The following TBC1D32 variants were observed in gnomAD, a reference collection of about 807,000 sequenced individuals.
TBC1D32 encodes the protein TBC1 domain family member 32, also known as protein broad-minded.
TBC1D32 carries 151 observed loss-of-function variants against 170.3 expected under a neutral mutation model. That is an observed-to-expected ratio of 0.89 (90% CI 0.78 to 1.01). The LOEUF is 1.01. Ranked by LOEUF, TBC1D32 falls within the 50% of genes least tolerant of loss-of-function variation. TBC1D32 has a pLI of 0.00. For missense variants in TBC1D32, 1,464 were observed against 1,457.1 expected, an observed-to-expected ratio of 1.00 and a Z score of -0.08; for synonymous variants, 498 against 488.0, an observed-to-expected ratio of 1.02 and a Z score of -0.27.
intron 13 of TBC1D32, among the ~76,000 whole-genome samples, chr6:121,282,245 A>G (rs1803125308): frequency 1.3e-5 from 2 of 151,790 alleles, no homozygotes; most frequent in South Asian, 4.1e-4. Context: ...CTTTCAAAAT[A>G]TAGTATATAC....
chr6:121,230,730 TTTAA>T (rs1293424503), intron 20 of TBC1D32, among the ~76,000 whole-genome samples: 9 of 151,952 alleles, frequency 5.9e-5, no homozygotes, highest in African/African-American at 2.2e-4. Context: ...TTTTTAGTTA[TTTAA>T]TTTATTTTTA....
intron 24 of TBC1D32, among the ~76,000 whole-genome samples, chr6:121,155,502 C>T (rs1176571468): frequency 2.0e-5 from 3 of 152,022 alleles, no homozygotes; most frequent in African/African-American, 7.2e-5. Flanking sequence ...CTTTCTCTTG[C>T]CTAATTGTTC....
intron 22 of TBC1D32, among the ~76,000 whole-genome samples, chr6:121,196,518 T>C (rs886545147): frequency 3.9e-5 from 6 of 152,196 alleles, no homozygotes; most frequent in Non-Finnish European, 2.9e-5. Context: ...CTGCACACAA[T>C]GCTTCTGCTA....
intron 19 of TBC1D32, among the ~76,000 whole-genome samples, chr6:121,239,897 G>T (rs1298259900): frequency 2.6e-5 from 4 of 152,096 alleles, no homozygotes; most frequent in Non-Finnish European, 4.4e-5. Context: ...ATCAGAAAGG[G>T]TCTTCTGGTA....
At chr6:121,181,515 C>T (rs560431912) in intron 22 of TBC1D32, among the ~76,000 whole-genome samples, 219 of 152,190 alleles carry the variant, frequency 1.4e-3, no homozygotes, top group Non-Finnish European at 2.3e-3. Context: ...CCTGCAGAAC[C>T]ATAAGCCAAT....
At chr6:121,157,416 C>G (rs114723428) in intron 24 of TBC1D32, among the ~76,000 whole-genome samples, 4 of 152,214 alleles carry the variant, frequency 2.6e-5, no homozygotes, top group African/African-American at 9.6e-5. Context: ...AGATGTGTCT[C>G]TTGAAGACAG....
intron 21 of TBC1D32, among the ~76,000 whole-genome samples, chr6:121,216,899 A>G (rs1476870741): frequency 6.6e-6 from 1 of 152,192 alleles, no homozygotes; most frequent in African/African-American, 2.4e-5. Flanking sequence ...TGCTAAGGTG[A>G]GGGCTATTAT....
At chr6:121,093,456 T>C (rs1777049493) in intron 30 of TBC1D32, among the ~76,000 whole-genome samples, 1 of 152,186 alleles carries the variant, frequency 6.6e-6, no homozygotes. Context: ...ACTGTGTTAA[T>C]GAAAATCTAG....
intron 9 of TBC1D32, among the ~76,000 whole-genome samples, chr6:121,300,896 T>G (rs567583441): frequency 6.6e-6 from 1 of 152,200 alleles, no homozygotes; most frequent in East Asian, 1.9e-4. Flanking sequence ...AACAGACACT[T>G]CTCAAAAGAA....
At position 121,334,448 on chromosome 6, in the gene TBC1D32, T is replaced by C; in HGVS notation, c.-18A>G. ...TGGGCCATCCTGTTGGAATCAAACG[T>C]CCACTCTCATTACTCCAGGTCCGAG... On this transcript the variant is annotated 5_prime_UTR_variant, in exon 1 of 32. Transcript: ENST00000398212. The C allele has an allele frequency of 6.2e-7, 1 of 1,609,212 alleles. No homozygotes were observed. The highest frequency in any genetic ancestry group is 8.5e-7 in the Non-Finnish European group (1 of 1,177,480).
In TBC1D32 at chr6:121,312,873, C is replaced by T. The variant is rs138087380; in HGVS notation, c.496-2026G>A. On this transcript the variant is annotated intron_variant, in intron 3 of 31. Coordinates refer to ENST00000398212, the MANE Select transcript of TBC1D32 (RefSeq NM_152730.6). The stretch of plus-strand genomic sequence containing the variant: ...AGAAAAGCTTGTAAAAAAGATAGTG[C>T]GTTCCTCCACTTGCTTTCTGAGGAC... 2.4e-3 allele frequency among the ~76,000 whole-genome samples: 371 copies of T among 152,202 alleles called. 1 individual carries two copies. The highest frequency in any genetic ancestry group is 8.4e-3 in the African/African-American group (347 of 41,506).
intron 15 of TBC1D32, among the ~76,000 whole-genome samples, chr6:121,269,802 AATATAC>A (rs1228448702): frequency 6.6e-6 from 1 of 152,172 alleles, no homozygotes; most frequent in African/African-American, 2.4e-5. Flanking sequence ...AAATCAACAG[AATATAC>A]ATTCTTCTCA....
intron 24 of TBC1D32, 82 bp from the exon 25 acceptor site, chr6:121,131,834 TGAAAATTCCATATGG>T: frequency 9.0e-7 from 1 of 1,108,138 alleles, no homozygotes; most frequent in South Asian, 1.8e-5. Flanking sequence ...TGTAAACAGT[TGAAAATTCCATATGG>T]AATACATATG....
chr6:121,091,517 G>A (rs1226389085), intron 30 of TBC1D32, among the ~76,000 whole-genome samples: 10 of 151,966 alleles, frequency 6.6e-5, no homozygotes, highest in South Asian at 4.1e-4. Flanking sequence ...TAAACCTAAC[G>A]GAATTACATA....
Position 121,131,132 on chromosome 6 carries a change from A to G in TBC1D32, c.2899+495T>C, listed in dbSNP as rs1231838990. ...TTCAAAATAAATATGTTAATTTAAA[A>G]AATGATGATTTCAGAAAACAAATGC... On this transcript the variant is annotated intron_variant, in intron 25 of 31. Transcript: ENST00000398212. 2.0e-4 allele frequency among the ~76,000 whole-genome samples: 31 copies of G among 152,056 alleles called. 1 individual carries two copies. The highest frequency in any genetic ancestry group is 1.9e-3 in the Admixed American group (29 of 15,252).
chr6:121,300,396 G>A (rs770014666), intron 9 of TBC1D32, among the ~76,000 whole-genome samples: 1 of 152,024 alleles, frequency 6.6e-6, no homozygotes, highest in South Asian at 2.1e-4. Flanking sequence ...GCAGTGAACC[G>A]AGATTGCGCC....
chr6:121,212,452 T>G lies in TBC1D32; in HGVS notation c.2482-7289A>C, dbSNP rs60588793. On this transcript the variant is annotated intron_variant, in intron 21 of 31. Transcript: ENST00000398212. ...AAAAAAACTTCAGGTCAATATCTCT[T>G]TTTTTTTTTTTTTTTTTTTGAGATG... Among the ~76,000 whole-genome samples, 62 of 20,572 alleles carry G rather than the reference T, an allele frequency of 3.0e-3. No homozygotes were observed. The South Asian group carries it at 0.059, about 20-fold the overall frequency. The allele number at this position is 20,572 out of a possible 152,430, so 13.5% of individuals were successfully genotyped here. A position where few individuals can be genotyped will look rare whatever the true frequency, so the allele number is the denominator to read the frequency against.
chr6:121,254,780 T>A (rs969945851), intron 17 of TBC1D32, among the ~76,000 whole-genome samples: 5 of 152,090 alleles, frequency 3.3e-5, no homozygotes, highest in African/African-American at 1.2e-4. Context: ...CAGAAAAACA[T>A]GTTGCCCGAG....
At chr6:121,230,644 G>T (rs143612020) in intron 20 of TBC1D32, among the ~76,000 whole-genome samples, 3 of 149,656 alleles carry the variant, frequency 2.0e-5, no homozygotes, top group African/African-American at 7.4e-5. Flanking sequence ...GTATATATCT[G>T]ATATATATAT....
Sources: gnomAD v4.1 joint callset for allele counts (sites outside exome capture counted in the v4.1 genomes callset) on GRCh38, gnomAD v4.1.1 for gene constraint, MANE v1.5 for transcripts, NCBI Gene and HGNC (gene_info 2026-07-23, HGNC 2026-07-21) for gene names.